Variants in TMEM132D observed in about 807,000 individuals in gnomAD.
TMEM132D encodes the protein transmembrane protein 132D.
In TMEM132D, 21 loss-of-function variants were observed where a neutral mutation model predicts 62.3. The observed-to-expected ratio is 0.34, with a 90% CI of 0.24 to 0.49. TMEM132D has a LOEUF of 0.49. Among genes scored for constraint, TMEM132D ranks in the 20% least tolerant of loss-of-function variants. The pLI is 0.99. For synonymous variants in TMEM132D, 621 were observed against 575.6 expected, an observed-to-expected ratio of 1.08 and a Z score of -1.13; for missense variants, 1,346 against 1,402.8, an observed-to-expected ratio of 0.96 and a Z score of 0.65.
rs1053667895 is a variant in TMEM132D, at chr12:129,692,281, C to A, written c.968+7529G>T. Among the ~76,000 whole-genome samples, 12 of 152,278 alleles carry A rather than the reference C, an allele frequency of 7.9e-5. 1 individual carries two copies. In the South Asian group the frequency reaches 2.5e-3, roughly 32 times the overall value. ...AGGTATACAAGGCTGATTTCATGTT[C>A]AAAAACTAATCAGGATAATTCATTC... On this transcript the variant is annotated intron_variant, in intron 2 of 8. Coordinates refer to ENST00000422113, the MANE Select transcript of TMEM132D (RefSeq NM_133448.3).
chr12:129,556,645 C>A (rs1877067367), intron 2 of TMEM132D, among the ~76,000 whole-genome samples: 1 of 152,148 alleles, frequency 6.6e-6, no homozygotes, highest in African/African-American at 2.4e-5. Context: ...GTCCAATAAC[C>A]TAGTTACCTT....
intron 4 of TMEM132D, among the ~76,000 whole-genome samples, chr12:129,272,512 G>C (rs1729849869): frequency 6.6e-6 from 1 of 151,540 alleles, no homozygotes; most frequent in African/African-American, 2.4e-5. Flanking sequence ...TGATAAATGG[G>C]GTATTTCTTT....
intron 4 of TMEM132D, among the ~76,000 whole-genome samples, chr12:129,287,730 G>C (rs559933404): frequency 1.1e-5 from 1 of 88,472 alleles, no homozygotes; most frequent in Non-Finnish European, 2.8e-5. Context: ...AACTTTCATG[G>C]TATTCATGTT....
At chr12:129,541,122 C>G (rs7135045) in intron 2 of TMEM132D, among the ~76,000 whole-genome samples, 47,255 of 152,112 alleles carry the variant, frequency 0.31, 7,972 homozygotes, top group East Asian at 0.52. Context: ...AGCAAGAGGT[C>G]AGAGGGCTCA....
chr12:129,709,226 G>C (rs147453397), intron 1 of TMEM132D, among the ~76,000 whole-genome samples: 2 of 152,136 alleles, frequency 1.3e-5, no homozygotes, highest in Non-Finnish European at 2.9e-5. Context: ...CCTAAAAGAG[G>C]CTTGAAATTT....
At chr12:129,161,552 T>C (rs1313800656) in intron 5 of TMEM132D, among the ~76,000 whole-genome samples, 1 of 152,222 alleles carries the variant, frequency 6.6e-6, no homozygotes, top group Non-Finnish European at 1.5e-5. Flanking sequence ...GCTATTAAAG[T>C]AATTTCCTAA....
chr12:129,861,791 T>C (rs1014178887), intron 1 of TMEM132D, among the ~76,000 whole-genome samples: 6 of 151,582 alleles, frequency 4.0e-5, no homozygotes, highest in Non-Finnish European at 7.4e-5. Flanking sequence ...CAGCCATTAT[T>C]CTGGAGGTCA....
intron 5 of TMEM132D, among the ~76,000 whole-genome samples, chr12:129,167,403 T>A (rs1198199109): frequency 6.6e-6 from 1 of 152,088 alleles, no homozygotes; most frequent in Non-Finnish European, 1.5e-5. Flanking sequence ...CGCAACTCAT[T>A]TAAGTAGCTG....
chr12:129,698,520 AGGGGAGG>A (rs1881260713), intron 2 of TMEM132D, among the ~76,000 whole-genome samples: 1 of 83,776 alleles, frequency 1.2e-5, no homozygotes, highest in Admixed American at 1.4e-4. Flanking sequence ...AAAGGAAAAA[AGGGGAGG>A]GGAGAGGGGA....
intron 1 of TMEM132D, among the ~76,000 whole-genome samples, chr12:129,887,041 A>G (rs1006134005): frequency 6.6e-6 from 1 of 152,208 alleles, no homozygotes; most frequent in African/African-American, 2.4e-5. Flanking sequence ...GTACGTCCTC[A>G]TAGCAGTGTG....
intron 1 of TMEM132D, among the ~76,000 whole-genome samples, chr12:129,793,011 T>C (rs1593163713): frequency 6.6e-6 from 1 of 152,226 alleles, no homozygotes; most frequent in Non-Finnish European, 1.5e-5. Flanking sequence ...ACATACATGC[T>C]GATGACTATA....
At chr12:129,134,124 G>GTGTC (rs1565974567) in intron 5 of TMEM132D, among the ~76,000 whole-genome samples, 2 of 142,042 alleles carry the variant, frequency 1.4e-5, no homozygotes, top group East Asian at 4.3e-4. Flanking sequence ...TGTTGTGTGT[G>GTGTC]TGTGTGTGTC....
At chr12:129,545,697 G>A (rs1005634064) in intron 2 of TMEM132D, among the ~76,000 whole-genome samples, 1 of 152,200 alleles carries the variant, frequency 6.6e-6, no homozygotes, top group Non-Finnish European at 1.5e-5. Flanking sequence ...ACCATCAGCT[G>A]AAAGCATCCG....
At chr12:129,298,927 TAA>T (rs1881640764) in intron 4 of TMEM132D, among the ~76,000 whole-genome samples, 1 of 152,204 alleles carries the variant, frequency 6.6e-6, no homozygotes, top group South Asian at 2.1e-4. Context: ...GCACGAGACT[TAA>T]AAGACACGGT....
At chr12:129,818,681 C>T (rs566454599) in intron 1 of TMEM132D, among the ~76,000 whole-genome samples, 2 of 151,778 alleles carry the variant, frequency 1.3e-5, no homozygotes, top group Admixed American at 1.3e-4. Context: ...TTTCATTTAA[C>T]GGCCGTATCA....
chr12:129,657,855 G>A (rs1399556818), intron 2 of TMEM132D, among the ~76,000 whole-genome samples: 2 of 152,320 alleles, frequency 1.3e-5, no homozygotes, highest in East Asian at 3.9e-4. Flanking sequence ...TTCCGAAAAG[G>A]AGGCTGGTAC....
At chr12:129,580,734 T>TAAAG (rs1555219779) in intron 2 of TMEM132D, among the ~76,000 whole-genome samples, 1 of 151,276 alleles carries the variant, frequency 6.6e-6, no homozygotes, top group Non-Finnish European at 1.5e-5. Flanking sequence ...TAAATAAAAA[T>TAAAG]AAATAAATAA....
chr12:129,524,509 T>C (rs935125244), intron 3 of TMEM132D, among the ~76,000 whole-genome samples: 2 of 152,202 alleles, frequency 1.3e-5, no homozygotes, highest in Non-Finnish European at 2.9e-5. Flanking sequence ...TGAACACAAC[T>C]TTTTAAAATT....
intron 2 of TMEM132D, among the ~76,000 whole-genome samples, chr12:129,670,882 C>T (rs184123989): frequency 1.2e-3 from 180 of 152,214 alleles, no homozygotes; most frequent in African/African-American, 4.0e-3. Context: ...AGCTATGAGC[C>T]GGAGGCAACC....
Sources: gnomAD v4.1 joint callset for allele counts (sites outside exome capture counted in the v4.1 genomes callset) on GRCh38, gnomAD v4.1.1 for gene constraint, MANE v1.5 for transcripts, NCBI Gene and HGNC (gene_info 2026-07-23, HGNC 2026-07-21) for gene names.